Variants in C13orf46 observed in about 807,000 individuals in gnomAD.
C13orf46 encodes the protein chromosome 13 open reading frame 46.
the C13orf46 span, among the ~76,000 whole-genome samples, chr13:113,935,750 T>G: frequency 6.6e-6 from 1 of 152,066 alleles, no homozygotes; most frequent in South Asian, 2.1e-4. Flanking sequence ...ATTTTTACAC[T>G]GAACTTTTCT....
At chr13:113,945,064 T>TCCTCCAGGTGTGTGACGGGC in the C13orf46 span, among the ~76,000 whole-genome samples, 5 of 136,588 alleles carry the variant, frequency 3.7e-5, no homozygotes, top group South Asian at 2.4e-4. Flanking sequence ...GTGTGATGAG[T>TCCTCCAGGTGTGTGACGGGC]CCTCCAGGTG....
downstream of C13orf46, among the ~76,000 whole-genome samples, chr13:113,951,110 G>T (rs1487530179): frequency 6.6e-6 from 1 of 152,236 alleles, no homozygotes; most frequent in Non-Finnish European, 1.5e-5. Context: ...TGTGGTCCTG[G>T]TGTGGGGAGG....
chr13:113,957,485 T>C (rs1435094477), intron 6 of C13orf46, among the ~76,000 whole-genome samples: 3 of 119,346 alleles, frequency 2.5e-5, no homozygotes, highest in Non-Finnish European at 5.0e-5. Context: ...ACTGGGGGTC[T>C]CCCCTGCACT....
intron 5 of C13orf46, among the ~76,000 whole-genome samples, chr13:113,965,854 G>GTGATGA (rs2052635890): frequency 8.0e-6 from 1 of 125,108 alleles, no homozygotes; most frequent in African/African-American, 3.1e-5. Context: ...GATGGTGATG[G>GTGATGA]TGGTGATGAT....
chr13:113,937,581 G>A, the C13orf46 span, among the ~76,000 whole-genome samples: 269 of 152,272 alleles, frequency 1.8e-3, 1 homozygote, highest in African/African-American at 6.1e-3. Context: ...AGTTCAGGAC[G>A]CACCTGTGAC....
the C13orf46 span, among the ~76,000 whole-genome samples, chr13:113,935,922 T>C: frequency 6.6e-6 from 1 of 152,238 alleles, no homozygotes. Context: ...CCTTGTGCCA[T>C]GTGAAATGGA....
At chr13:113,969,613 T>C (rs2052682995) in intron 2 of C13orf46, among the ~76,000 whole-genome samples, 1 of 152,194 alleles carries the variant, frequency 6.6e-6, no homozygotes. Context: ...CTTTGTTAGA[T>C]CTGAGACAAA....
rs1424486395 is a variant in C13orf46, at chr13:113,963,095, G to A, written c.572+1832C>T. 3.3e-5 allele frequency among the ~76,000 whole-genome samples: 5 copies of A among 152,328 alleles called. No individual in the cohort carries two copies. The South Asian group carries it at 1.0e-3, about 32-fold the overall frequency. The stretch of plus-strand genomic sequence containing the variant: ...AGCAAAGCCAGACCAGTCGGGGGCC[G>A]AGGGCTGCAGCTCTCAAAGCTGGCC... On this transcript the variant is annotated intron_variant, in intron 6 of 6. Coordinates refer to ENST00000636427, the MANE Select transcript of C13orf46 (RefSeq NM_001365455.2).
In C13orf46 at chr13:113,959,180, G is replaced by A. The variant is rs1256632852; in HGVS notation, c.573-2341C>T. ...CCAGCTACTTGGGAGGCTGAGGCAG[G>A]AGAATCACTTGAGCCCAGGGGGTGG... On this transcript the variant is annotated intron_variant, in intron 6 of 6. Transcript: ENST00000636427. 2.6e-5 allele frequency among the ~76,000 whole-genome samples: 4 copies of A among 152,322 alleles called. No homozygotes were observed. The East Asian group carries it at 7.7e-4, about 29-fold the overall frequency.
chr13:113,969,760 G>A lies in C13orf46; in HGVS notation c.242+411C>T, dbSNP rs1251507227. ...CGGCAGTACGAAGTGGGGATGTGCTGTCCAGGGCCCCACGCCCTCTCCCTA... is the reference window on the plus strand; with the variant it reads ...CGGCAGTACGAAGTGGGGATGTGCTATCCAGGGCCCCACGCCCTCTCCCTA... On this transcript the variant is annotated intron_variant, in intron 2 of 6. Coordinates refer to ENST00000636427, the MANE Select transcript of C13orf46 (RefSeq NM_001365455.2). 2.0e-5 allele frequency among the ~76,000 whole-genome samples: 3 copies of A among 152,286 alleles called. No individual in the cohort carries two copies. In the East Asian group the frequency reaches 5.8e-4, roughly 29 times the overall value.
chr13:113,973,006 G>A (rs1260896817), intron 1 of C13orf46, among the ~76,000 whole-genome samples: 1 of 152,188 alleles, frequency 6.6e-6, no homozygotes, highest in East Asian at 1.9e-4. Context: ...CACCCTTAGC[G>A]TTCCGAGCAC....
chr13:113,945,539 GAGAAAGAA>G, the C13orf46 span, among the ~76,000 whole-genome samples: 1,043 of 73,626 alleles, frequency 0.014, 33 homozygotes, highest in Non-Finnish European at 0.023. Flanking sequence ...GCGAGAATCT[GAGAAAGAA>G]AGAAAGAAAG....
intron 6 of C13orf46, among the ~76,000 whole-genome samples, chr13:113,963,558 A>AGTCCTCAGCCTCGCCCCT (rs1363617946): frequency 7.4e-5 from 4 of 53,798 alleles, no homozygotes; most frequent in Non-Finnish European, 1.7e-4. Context: ...CCCTCGCTCC[A>AGTCCTCAGCCTCGCCCCT]GTCCTCAGCC....
At position 113,954,825 on chromosome 13, in the gene C13orf46, TGGAGATGAGGAGCATCCGGTGGAGATGA is replaced by T. The variant is rs1397726756; in HGVS notation, c.*1920_*1947del. On this transcript the variant is annotated 3_prime_UTR_variant, in exon 7 of 7. Transcript: ENST00000636427. ...GCTGGTGGAGACGAGGAGCATCCGG[TGGAGATGAGGAGCATCCGGTGGAGATGA>T]GGAGCATCTCGTGGGGAGGAGGAGC... is the stretch of plus-strand genomic sequence containing the variant. 22 of 93,648 alleles carry T rather than the reference TGGAGATGAGGAGCATCCGGTGGAGATGA, an allele frequency of 2.3e-4. No individual in the cohort carries two copies. The highest frequency in any genetic ancestry group is 3.3e-3 in the Middle Eastern group (1 of 300). 5.8% of individuals were successfully genotyped at this position (93,648 alleles called of 1,614,324 possible).
intron 1 of C13orf46, among the ~76,000 whole-genome samples, chr13:113,972,126 C>T (rs976048025): frequency 1.3e-5 from 2 of 152,204 alleles, no homozygotes; most frequent in African/African-American, 4.8e-5. Flanking sequence ...TCAATCCCTC[C>T]CTCCATCCGA....
the C13orf46 span, among the ~76,000 whole-genome samples, chr13:113,945,601 GAAAGAAGAAAGA>G: frequency 1.7e-3 from 191 of 114,264 alleles, no homozygotes; most frequent in Non-Finnish European, 2.1e-3. Flanking sequence ...GAGAAAGAAA[GAAAGAAGAAAGA>G]AAGAAAGAAA....
At chr13:113,952,555 G>A (rs1222586679), downstream of C13orf46, among the ~76,000 whole-genome samples, 1 of 152,240 alleles carries the variant, frequency 6.6e-6, no homozygotes, top group Non-Finnish European at 1.5e-5. Context: ...TCAGGGGCCA[G>A]TGGGGACTGA....
At chr13:113,971,873 C>G (rs1382123108) in intron 1 of C13orf46, among the ~76,000 whole-genome samples, 1 of 152,236 alleles carries the variant, frequency 6.6e-6, no homozygotes, top group African/African-American at 2.4e-5. Flanking sequence ...GCCTCCTGCT[C>G]TTCTCCGGCA....
chr13:113,936,984 C>G, the C13orf46 span, among the ~76,000 whole-genome samples: 2 of 152,274 alleles, frequency 1.3e-5, no homozygotes, highest in South Asian at 2.1e-4. Flanking sequence ...TCAGGCTCCT[C>G]TCGTCCTCGT....
Sources: allele counts gnomAD v4.1 joint callset (sites outside exome capture counted in the v4.1 genomes callset), GRCh38; gene constraint gnomAD v4.1.1; transcripts MANE v1.5; gene names NCBI Gene and HGNC (gene_info 2026-07-23, HGNC 2026-07-21).